The following BMPER variants were observed in gnomAD, a reference collection of about 807,000 sequenced individuals.
The protein encoded by BMPER is BMP binding endothelial regulator, also known as BMP-binding endothelial regulator protein.
In BMPER, 45 loss-of-function variants were observed where a neutral mutation model predicts 87.3. The ratio of observed to expected loss-of-function variants is 0.52; its 90% confidence interval spans 0.41 to 0.66. The LOEUF (loss-of-function observed/expected upper bound fraction) is 0.66. Ranked by LOEUF, BMPER falls within the 30% of genes least tolerant of loss-of-function variation. BMPER has a pLI of 0.00. For synonymous variants in BMPER, 326 were observed against 316.2 expected, an observed-to-expected ratio of 1.03 and a Z score of -0.33; for missense variants, 784 against 867.5, an observed-to-expected ratio of 0.90 and a Z score of 1.21.
chr7:34,013,294 C>A (rs923695735), intron 6 of BMPER, among the ~76,000 whole-genome samples: 6 of 151,580 alleles, frequency 4.0e-5, no homozygotes, highest in African/African-American at 9.7e-5. Context: ...TCTGTCCTGT[C>A]CCCCACTCAC....
At chr7:34,054,398 G>A (rs747546416) in intron 8 of BMPER, among the ~76,000 whole-genome samples, 1 of 152,168 alleles carries the variant, frequency 6.6e-6, no homozygotes, top group Non-Finnish European at 1.5e-5. Context: ...TATGCAGTTT[G>A]ACAAAGGATT....
In BMPER at chr7:33,982,812, C is replaced by A. The variant is rs946022243; in HGVS notation, c.576+8028C>A. 6.6e-5 allele frequency among the ~76,000 whole-genome samples: 10 copies of A among 152,206 alleles called. No homozygotes were observed. In the Middle Eastern group the frequency reaches 0.01, roughly 155 times the overall value. ...AAAATGACCTGTTTATAAGGCAAAG[C>A]TGAATTAATTGCCTACCACAGTCAT... On this transcript the variant is annotated intron_variant, in intron 6 of 14. Transcript: ENST00000649409.
chr7:33,993,464 T>C (rs1786292441), intron 6 of BMPER, among the ~76,000 whole-genome samples: 1 of 151,922 alleles, frequency 6.6e-6, no homozygotes, highest in Non-Finnish European at 1.5e-5. Context: ...GGTTTTCAGC[T>C]CCATCAGCTC....
intron 6 of BMPER, among the ~76,000 whole-genome samples, chr7:34,011,179 T>C (rs561515632): frequency 1.3e-4 from 19 of 151,824 alleles, no homozygotes; most frequent in Non-Finnish European, 2.5e-4. Flanking sequence ...TGGGATCTAG[T>C]TGCAATACTT....
chr7:33,939,077 A>G (rs187021060), intron 3 of BMPER, among the ~76,000 whole-genome samples: 2 of 152,108 alleles, frequency 1.3e-5, no homozygotes, highest in African/African-American at 4.8e-5. Flanking sequence ...TGTTGGAGGG[A>G]CCAACTTGGA....
chr7:34,037,956 T>C (rs973315917), intron 6 of BMPER, among the ~76,000 whole-genome samples: 1 of 152,186 alleles, frequency 6.6e-6, no homozygotes, highest in African/African-American at 2.4e-5. Flanking sequence ...ACTAGCTTTT[T>C]TGGTGAGGTG....
chr7:33,957,465 G>T (rs185638992), intron 3 of BMPER, among the ~76,000 whole-genome samples: 1 of 151,836 alleles, frequency 6.6e-6, no homozygotes, highest in African/African-American at 2.4e-5. Context: ...GAAGCAAACT[G>T]AGTGTTGCTA....
Position 33,970,250 on chromosome 7 carries a change from C to G in BMPER, c.403-79C>G. 2.1e-6 allele frequency: 3 copies of G among 1,427,740 alleles called. No homozygotes were observed. The South Asian group carries it at 3.4e-5, about 16-fold the overall frequency. 88.4% of individuals were successfully genotyped at this position (1,427,740 alleles called of 1,614,324 possible). A position where few individuals can be genotyped will look rare whatever the true frequency, so the allele number is the denominator to read the frequency against. On this transcript the variant is annotated intron_variant, in intron 4 of 14. Transcript: ENST00000649409. ...GTGGTTTTTGTGCTTGAGCACTTCT[C>G]CTACTTAGGTCACTTTCCAAAAGTA...
intron 6 of BMPER, among the ~76,000 whole-genome samples, chr7:33,988,196 C>A (rs974921988): frequency 1.3e-5 from 2 of 152,094 alleles, no homozygotes; most frequent in African/African-American, 2.4e-5. Flanking sequence ...CTTTAGGGAT[C>A]TTTTCCCCAC....
chr7:34,112,455 AC>A (rs1212524522), intron 13 of BMPER, among the ~76,000 whole-genome samples: 1 of 134,350 alleles, frequency 7.4e-6, no homozygotes, highest in Non-Finnish European at 1.5e-5. Flanking sequence ...GAGAGACGCC[AC>A]AGGACTCCAG....
chr7:33,942,210 T>C (rs1784787024), intron 3 of BMPER, among the ~76,000 whole-genome samples: 1 of 152,156 alleles, frequency 6.6e-6, no homozygotes, highest in African/African-American at 2.4e-5. Context: ...TCTCAAAATG[T>C]AACGGATCAC....
intron 3 of BMPER, among the ~76,000 whole-genome samples, chr7:33,956,297 T>C (rs941078578): frequency 6.6e-6 from 1 of 152,010 alleles, no homozygotes; most frequent in African/African-American, 2.4e-5. Context: ...AAAAATCTAA[T>C]TAGAAATAGG....
At chr7:34,146,836 C>T (rs916564973) in intron 14 of BMPER, among the ~76,000 whole-genome samples, 19 of 152,152 alleles carry the variant, frequency 1.2e-4, no homozygotes, top group African/African-American at 4.6e-4. Context: ...ATATTAGTGT[C>T]AACTAATTCA....
intron 13 of BMPER, among the ~76,000 whole-genome samples, chr7:34,091,058 C>T (rs1789366671): frequency 6.6e-6 from 1 of 152,026 alleles, no homozygotes; most frequent in Non-Finnish European, 1.5e-5. Context: ...GGAGGTCGTG[C>T]GGGAGAACAC....
chr7:34,074,932 T>TC (rs1404135704), intron 11 of BMPER, among the ~76,000 whole-genome samples: 1 of 152,192 alleles, frequency 6.6e-6, no homozygotes, highest in Admixed American at 6.5e-5. Flanking sequence ...TGATGCTTTT[T>TC]CCCCCTTCCT....
Position 34,046,288 on chromosome 7 carries a change from T to G in BMPER, c.577-18T>G. 3 of 1,608,550 alleles carry G rather than the reference T, an allele frequency of 1.9e-6. No individual in the cohort carries two copies. ...ACTTACTTTTCTAAATATGCTTTTT[T>G]TTTCTCTCTTTTCTTAGGGAGGCAG... On this transcript the variant is annotated intron_variant, in intron 6 of 14. Transcript: ENST00000649409.
intron 11 of BMPER, among the ~76,000 whole-genome samples, chr7:34,065,048 T>C (rs1406665960): frequency 6.6e-6 from 1 of 152,154 alleles, no homozygotes; most frequent in Non-Finnish European, 1.5e-5. Flanking sequence ...TTATGAAAGC[T>C]CTCTTAATAT....
intron 6 of BMPER, among the ~76,000 whole-genome samples, chr7:33,977,183 A>G (rs547018530): frequency 1.3e-5 from 2 of 152,306 alleles, no homozygotes; most frequent in East Asian, 1.9e-4. Context: ...TTATGAACAC[A>G]CACATTTGAG....
intron 9 of BMPER, among the ~76,000 whole-genome samples, chr7:34,056,428 A>G (rs1333808806): frequency 6.6e-6 from 1 of 152,090 alleles, no homozygotes; most frequent in Admixed American, 6.5e-5. Flanking sequence ...AGAGAAAACA[A>G]CTGAGGACAA....
Sources: allele counts gnomAD v4.1 joint callset (sites outside exome capture counted in the v4.1 genomes callset), GRCh38; gene constraint gnomAD v4.1.1; transcripts MANE v1.5; gene names NCBI Gene and HGNC (gene_info 2026-07-23, HGNC 2026-07-21).